RRBP1: variants seen among roughly 807,000 people sequenced by gnomAD.
RRBP1 encodes the protein ribosome-binding protein 1.
A neutral mutation model predicts 165.2 loss-of-function variants in RRBP1; 94 were observed. The ratio of observed to expected loss-of-function variants is 0.57; its 90% confidence interval spans 0.48 to 0.68. RRBP1 has a LOEUF of 0.68. Among genes scored for constraint, RRBP1 ranks in the 30% least tolerant of loss-of-function variants. The pLI is 0.00. For missense variants in RRBP1, 1,676 were observed against 1,763.0 expected (o/e 0.95, Z 0.88); for synonymous variants, 680 against 714.5 (o/e 0.95, Z 0.77).
chr20:17,627,275 C>T, intron 11 of RRBP1, 73 bp downstream of exon 11: 1 of 1,528,622 alleles, frequency 6.5e-7, no homozygotes, highest in Non-Finnish European at 8.9e-7. Context: ...TCCTGAAAAC[C>T]CTGGCCCCCC....
chr20:17,624,352 CTG>C (rs754729643), intron 13 of RRBP1, among the ~76,000 whole-genome samples: 12 of 152,280 alleles, frequency 7.9e-5, no homozygotes, highest in Non-Finnish European at 1.5e-4. Context: ...CCTAGTGCCT[CTG>C]TGTCTGTCCT....
chr20:17,624,809 C>A, intron 12 of RRBP1, 141 bp from the exon 13 acceptor site: 1 of 648,756 alleles, frequency 1.5e-6, no homozygotes, highest in Non-Finnish European at 2.8e-6. Context: ...ACAAAATGCC[C>A]CTTCCTTGGC....
intron 1 of RRBP1, among the ~76,000 whole-genome samples, chr20:17,680,707 C>T (rs1401986324): frequency 6.6e-6 from 1 of 152,040 alleles, no homozygotes; most frequent in African/African-American, 2.4e-5. Context: ...GTACGTGGTC[C>T]GGGGTGTAGA....
chr20:17,662,462 G>T (rs6080766), intron 2 of RRBP1, among the ~76,000 whole-genome samples: 1 of 152,116 alleles, frequency 6.6e-6, no homozygotes, highest in Admixed American at 6.5e-5. Context: ...GGCGTTGAGC[G>T]AGACTGAGTC....
intron 2 of RRBP1, among the ~76,000 whole-genome samples, chr20:17,673,258 C>A (rs1171038920): frequency 2.0e-5 from 3 of 152,222 alleles, no homozygotes; most frequent in African/African-American, 7.2e-5. Context: ...AGTGCTCACA[C>A]CCACACAGGA....
chr20:17,620,221 G>C lies in RRBP1; in HGVS notation c.3579+78C>G, dbSNP rs995261419. ...CACGGTCCATGAGGAAGAAATCAGT[G>C]AAGTGTCCTCTGCATTAACGTCACT... On this transcript the variant is annotated intron_variant, in intron 18 of 24. Transcript: ENST00000377813. 2.9e-6 allele frequency: 3 copies of C among 1,022,942 alleles called. No homozygotes were observed. The South Asian group carries it at 3.9e-5, about 13-fold the overall frequency. The allele number at this position is 1,022,942 out of a possible 1,614,324, so 63.4% of individuals were successfully genotyped here.
At chr20:17,639,143 C>A (rs188878889) in intron 5 of RRBP1, among the ~76,000 whole-genome samples, 53 of 152,354 alleles carry the variant, frequency 3.5e-4, no homozygotes, top group African/African-American at 1.2e-3. Context: ...GAAGGTTGTG[C>A]CTTCTTGGTT....
At chr20:17,672,192 A>T (rs1304756432) in intron 2 of RRBP1, among the ~76,000 whole-genome samples, 1 of 152,252 alleles carries the variant, frequency 6.6e-6, no homozygotes, top group Admixed American at 6.5e-5. Flanking sequence ...CTGATACCCA[A>T]CTATTGGTTC....
chr20:17,657,834 G>A lies in RRBP1; in HGVS notation c.1912+762C>T, dbSNP rs192531730. 2.3e-3 allele frequency among the ~76,000 whole-genome samples: 343 copies of A among 152,274 alleles called. 3 individuals carry two copies. Among genetic ancestry groups the A allele is most frequent in the African/African-American group, 8.0e-3 (334 of 41,552 alleles). ...TTACCAAATGACTAGGGTGGCGCAG[G>A]GGAAGGAGAAGGCAGAAGAGGAAAG... On this transcript the variant is annotated intron_variant, in intron 3 of 24. Coordinates refer to ENST00000377813, the MANE Select transcript of RRBP1 (RefSeq NM_001365613.2).
chr20:17,657,916 T>C (rs1411726447), intron 3 of RRBP1, among the ~76,000 whole-genome samples: 3 of 152,172 alleles, frequency 2.0e-5, no homozygotes, highest in Non-Finnish European at 2.9e-5. Flanking sequence ...CAAGCACAGA[T>C]ACCCGAGTCA....
rs561969567 is a variant in RRBP1, at chr20:17,667,641, C to T, written c.-21-7113G>A. ...ACCTACAAGGTCTTAGGTCTGCTGC[C>T]CTTCCCCATGACATGAGCCCCCATC... is the stretch of plus-strand genomic sequence containing the variant. On this transcript the variant is annotated intron_variant, in intron 2 of 24. Transcript: ENST00000377813. Among the ~76,000 whole-genome samples, 4 of 152,296 alleles carry T rather than the reference C, an allele frequency of 2.6e-5. No homozygotes were observed. The East Asian group carries it at 5.8e-4, about 22-fold the overall frequency.
chr20:17,627,321 A>G (rs369163635), intron 11 of RRBP1, 27 bp downstream of exon 11: 84 of 1,611,300 alleles, frequency 5.2e-5, no homozygotes, highest in Non-Finnish European at 7.0e-5. Flanking sequence ...GGCTCAAGTG[A>G]GCAGGCAGGC....
intron 3 of RRBP1, among the ~76,000 whole-genome samples, chr20:17,656,912 G>A (rs999642022): frequency 4.6e-5 from 7 of 152,096 alleles, no homozygotes; most frequent in Non-Finnish European, 7.3e-5. Context: ...GTTGTGTTAC[G>A]TTCACAGAGG....
intron 22 of RRBP1, 28 bp from the exon 23 acceptor site, chr20:17,615,557 G>T: frequency 1.3e-6 from 2 of 1,567,078 alleles, no homozygotes; most frequent in Non-Finnish European, 1.7e-6. Context: ...TGAGGTCTGG[G>T]TGAGACGTCT....
chr20:17,652,186 T>C (rs1248113263), intron 3 of RRBP1, among the ~76,000 whole-genome samples: 3 of 152,184 alleles, frequency 2.0e-5, no homozygotes. Flanking sequence ...GAAGGTCCTG[T>C]TTAGAGCACT....
At chr20:17,614,291 C>A in intron 24 of RRBP1, 71 bp from the exon 25 acceptor site, 2 of 1,486,128 alleles carry the variant, frequency 1.3e-6, no homozygotes, top group South Asian at 2.3e-5. Flanking sequence ...GCCCTCTACC[C>A]TGGGCCTTTA....
intron 1 of RRBP1, among the ~76,000 whole-genome samples, chr20:17,681,739 A>ACGTCGCGCCCGTCTGCCGCCG (rs1176984979): frequency 6.7e-6 from 1 of 150,276 alleles, no homozygotes; most frequent in Non-Finnish European, 1.5e-5. Context: ...AGCGGTCGCC[A>ACGTCGCGCCCGTCTGCCGCCG]CGTCGCGCCC....
chr20:17,664,195 T>G (rs1217337366), intron 2 of RRBP1, among the ~76,000 whole-genome samples: 3 of 152,192 alleles, frequency 2.0e-5, no homozygotes, highest in African/African-American at 4.8e-5. Context: ...ACACGCACTG[T>G]GATACCAGAC....
intron 11 of RRBP1, 65 bp downstream of exon 11, chr20:17,627,283 C>G: frequency 1.9e-6 from 3 of 1,572,774 alleles, no homozygotes; most frequent in Non-Finnish European, 2.6e-6. Context: ...ACCCTGGCCC[C>G]CCAAGGGTCT....
Sources: allele counts gnomAD v4.1 joint callset (sites outside exome capture counted in the v4.1 genomes callset), GRCh38; gene constraint gnomAD v4.1.1; transcripts MANE v1.5; gene names NCBI Gene and HGNC (gene_info 2026-07-23, HGNC 2026-07-21).